Variants in SHCBP1L observed in about 807,000 individuals in gnomAD.
The protein encoded by SHCBP1L is testicular spindle-associated protein SHCBP1L.
Under a neutral mutation model 62.5 loss-of-function variants are expected in SHCBP1L, and 67 were observed. That is an observed-to-expected ratio of 1.07 (90% CI 0.88 to 1.31). The LOEUF (loss-of-function observed/expected upper bound fraction) is 1.31, where lower values mean the gene tolerates loss of function less well. Ranked by LOEUF, SHCBP1L falls within the 40% of genes most tolerant of loss-of-function variation. The probability of loss-of-function intolerance (pLI) is 0.00; values close to 1 mark genes in which losing one functional copy is unlikely to be tolerated. For missense variants in SHCBP1L, 823 were observed against 809.8 expected (o/e 1.02, Z -0.20); for synonymous variants, 284 against 289.4 (o/e 0.98, Z 0.19).
intron 9 of SHCBP1L, 122 bp from the exon 10 acceptor site, chr1:182,900,356 A>C: frequency 1.2e-6 from 1 of 806,654 alleles, no homozygotes; most frequent in South Asian, 2.5e-5. Flanking sequence ...AACAACCAAG[A>C]CTCTCAATTT....
intron 6 of SHCBP1L, among the ~76,000 whole-genome samples, chr1:182,924,962 GAAAGAAAGAAAGAAA>G (rs1339591042): frequency 9.3e-6 from 1 of 107,440 alleles, no homozygotes; most frequent in African/African-American, 3.7e-5. Context: ...AAGAAAGAAA[GAAAGAAAGAAAGAAA>G]AAAAAAGGAA....
intron 6 of SHCBP1L, among the ~76,000 whole-genome samples, chr1:182,918,875 G>A (rs1438363525): frequency 6.6e-6 from 1 of 152,104 alleles, no homozygotes; most frequent in South Asian, 2.1e-4. Context: ...TTCAACAAGG[G>A]TTACAAGATC....
At chr1:182,919,613 A>T (rs915168104) in intron 6 of SHCBP1L, among the ~76,000 whole-genome samples, 2 of 152,212 alleles carry the variant, frequency 1.3e-5, no homozygotes, top group African/African-American at 4.8e-5. Flanking sequence ...ATTATCAAGA[A>T]TGTAAAAAAG....
At chr1:182,937,921 G>A (rs1303171657) in intron 5 of SHCBP1L, among the ~76,000 whole-genome samples, 2 of 152,088 alleles carry the variant, frequency 1.3e-5, no homozygotes. Flanking sequence ...CTTTTAGCAT[G>A]CCTTATAATT....
chr1:182,939,101 C>T, intron 5 of SHCBP1L, 75 bp downstream of exon 5: 5 of 1,179,546 alleles, frequency 4.2e-6, no homozygotes, highest in Non-Finnish European at 6.0e-6. Flanking sequence ...AGAACATATA[C>T]CACAAATTAA....
intron 2 of SHCBP1L, among the ~76,000 whole-genome samples, chr1:182,947,277 C>G (rs1571360974): frequency 6.7e-6 from 1 of 148,984 alleles, no homozygotes; most frequent in Non-Finnish European, 1.5e-5. Context: ...ATCACCTTAA[C>G]ACCTAAATCT....
intron 5 of SHCBP1L, among the ~76,000 whole-genome samples, chr1:182,933,701 T>C (rs1034077111): frequency 6.6e-6 from 1 of 152,170 alleles, no homozygotes; most frequent in African/African-American, 2.4e-5. Context: ...TTAGTCATAG[T>C]GACTGATCTT....
rs537686492 is a variant in SHCBP1L, at chr1:182,921,740, T to C, written c.1182+7907A>G. On this transcript the variant is annotated intron_variant, in intron 6 of 9. Coordinates refer to ENST00000367547, the MANE Select transcript of SHCBP1L (RefSeq NM_030933.4). ...GGCCAACATGGCAAAACCCCATCTC[T>C]ACTAAAAATACAATAATTAACCAGG... Among the ~76,000 whole-genome samples the C allele has an allele frequency of 2.6e-5, 4 of 152,252 alleles. No individual in the cohort carries two copies. The East Asian group carries it at 7.7e-4, about 29-fold the overall frequency.
intron 6 of SHCBP1L, among the ~76,000 whole-genome samples, chr1:182,925,832 A>G (rs1650727758): frequency 6.6e-6 from 1 of 152,230 alleles, no homozygotes; most frequent in Admixed American, 6.5e-5. Context: ...ATGAATGTAT[A>G]AGCAGATCAT....
At chr1:182,904,708 T>C (rs994040991) in intron 7 of SHCBP1L, among the ~76,000 whole-genome samples, 2 of 152,190 alleles carry the variant, frequency 1.3e-5, no homozygotes, top group African/African-American at 2.4e-5. Flanking sequence ...AGTGCCCAGC[T>C]TCACATATTT....
chr1:182,911,438 C>CA (rs1386083416), intron 6 of SHCBP1L, among the ~76,000 whole-genome samples: 1 of 151,916 alleles, frequency 6.6e-6, no homozygotes, highest in Non-Finnish European at 1.5e-5. Context: ...CAGCTTTCAA[C>CA]AAAAAAATTG....
chr1:182,922,244 G>A (rs1650550515), intron 6 of SHCBP1L, among the ~76,000 whole-genome samples: 1 of 152,022 alleles, frequency 6.6e-6, no homozygotes. Context: ...AGATAATTGA[G>A]GCAGAAAATT....
intron 1 of SHCBP1L, 99 bp from the exon 2 acceptor site, chr1:182,951,566 G>A: frequency 2.5e-6 from 2 of 811,666 alleles, no homozygotes; most frequent in Non-Finnish European, 3.5e-6. Flanking sequence ...TTTTAAAATG[G>A]AACCAATATA....
At chr1:182,942,497 C>G (rs1049614008) in intron 2 of SHCBP1L, 180 of 628,392 alleles carry the variant, frequency 2.9e-4, no homozygotes, top group Admixed American at 1.3e-4. Flanking sequence ...GCCACTCCTC[C>G]CGCCGCCCGA....
intron 6 of SHCBP1L, among the ~76,000 whole-genome samples, chr1:182,921,526 A>C (rs1445645396): frequency 6.6e-6 from 1 of 152,226 alleles, no homozygotes; most frequent in Admixed American, 6.5e-5. Flanking sequence ...TAACCTTGAA[A>C]GTAAATGGGT....
chr1:182,924,792 GAA>G (rs1491350206), intron 6 of SHCBP1L, among the ~76,000 whole-genome samples: 5 of 115,722 alleles, frequency 4.3e-5, no homozygotes, highest in African/African-American at 1.2e-4. Flanking sequence ...AAGAAAGAGA[GAA>G]AGAAAGGAAG....
intron 5 of SHCBP1L, among the ~76,000 whole-genome samples, chr1:182,938,583 C>T (rs1418179135): frequency 3.3e-5 from 5 of 152,160 alleles, no homozygotes; most frequent in Admixed American, 1.3e-4. Flanking sequence ...GCCTCAGCCT[C>T]CCAAGTAGCT....
At chr1:182,940,210 C>T in intron 3 of SHCBP1L, 119 bp downstream of exon 3, 1 of 733,684 alleles carries the variant, frequency 1.4e-6, no homozygotes, top group Non-Finnish European at 2.2e-6. Flanking sequence ...AAATTTAATC[C>T]AGCAGTAGTG....
chr1:182,941,180 C>T (rs1301193122), intron 2 of SHCBP1L, among the ~76,000 whole-genome samples: 5 of 95,994 alleles, frequency 5.2e-5, no homozygotes, highest in African/African-American at 1.7e-4. Flanking sequence ...CAAAAACAAA[C>T]AAAAGCATGT....
Sources: gnomAD v4.1 joint callset for allele counts (sites outside exome capture counted in the v4.1 genomes callset) on GRCh38, gnomAD v4.1.1 for gene constraint, MANE v1.5 for transcripts, NCBI Gene and HGNC (gene_info 2026-07-23, HGNC 2026-07-21) for gene names.